The following LRRC4C variants were observed in gnomAD, a reference collection of about 807,000 sequenced individuals.
The protein encoded by LRRC4C is leucine rich repeat containing 4C.
LRRC4C carries 5 observed loss-of-function variants against 33.6 expected under a neutral mutation model. That is an observed-to-expected ratio of 0.15 (90% confidence interval 0.08 to 0.31). The LOEUF is 0.31. Ranked by LOEUF, LRRC4C falls within the 10% of genes least tolerant of loss-of-function variation. The pLI, the probability that LRRC4C is intolerant of heterozygous loss-of-function variation, is 1.00. For missense variants in LRRC4C, 560 were observed against 796.7 expected, an observed-to-expected ratio of 0.70 and a Z score of 3.58; for synonymous variants, 329 against 302.0, an observed-to-expected ratio of 1.09 and a Z score of -0.93.
At chr11:40,910,667 T>C (rs1222708567) in intron 2 of LRRC4C, among the ~76,000 whole-genome samples, 2 of 152,090 alleles carry the variant, frequency 1.3e-5, no homozygotes, top group South Asian at 2.1e-4. Context: ...AGGTACCAGG[T>C]TCATCTCACT....
chr11:40,191,749 C>A (rs1415151140), intron 5 of LRRC4C, among the ~76,000 whole-genome samples: 1 of 152,064 alleles, frequency 6.6e-6, no homozygotes, highest in African/African-American at 2.4e-5. Flanking sequence ...TCACCTGAGC[C>A]CAGGAGTTTA....
At chr11:40,613,386 C>G (rs531089302) in intron 3 of LRRC4C, among the ~76,000 whole-genome samples, 17 of 151,934 alleles carry the variant, frequency 1.1e-4, no homozygotes, top group African/African-American at 3.9e-4. Flanking sequence ...AAACCACTTT[C>G]TTTGCTTATC....
intron 1 of LRRC4C, among the ~76,000 whole-genome samples, chr11:41,178,999 C>A (rs1284818738): frequency 2.6e-5 from 4 of 152,136 alleles, no homozygotes; most frequent in Non-Finnish European, 5.9e-5. Flanking sequence ...CCGTGCCCGG[C>A]CAAGAATCTG....
At chr11:41,412,963 G>A (rs1175008896) in intron 1 of LRRC4C, among the ~76,000 whole-genome samples, 1 of 151,964 alleles carries the variant, frequency 6.6e-6, no homozygotes, top group African/African-American at 2.4e-5. Flanking sequence ...TGTTGCTGTT[G>A]CTCTATTTCT....
intron 3 of LRRC4C, among the ~76,000 whole-genome samples, chr11:40,525,950 T>C (rs1956030948): frequency 6.6e-6 from 1 of 152,146 alleles, no homozygotes; most frequent in Admixed American, 6.5e-5. Flanking sequence ...TATCACTTTA[T>C]TCATAACAAA....
rs1946641366 is a variant in LRRC4C, at chr11:40,336,934, A to ACG, written c.-269-17214_-269-17213insCG. ...GGAGCTTGCAGTGAGCCGAGATTGC[A>ACG]CCACTGCACTCCAGCCTGGGGGACA... On this transcript the variant is annotated intron_variant, in intron 3 of 6. Coordinates refer to ENST00000528697, the MANE Select transcript of LRRC4C (RefSeq NM_001258419.2). 3.0e-5 allele frequency among the ~76,000 whole-genome samples: 4 copies of ACG among 131,220 alleles called. 1 individual carries two copies. The South Asian group carries it at 9.8e-4, about 32-fold the overall frequency. 86.1% of individuals were successfully genotyped at this position (131,220 alleles called of 152,430 possible).
intron 1 of LRRC4C, among the ~76,000 whole-genome samples, chr11:40,950,639 T>C (rs971876857): frequency 6.6e-6 from 1 of 152,080 alleles, no homozygotes; most frequent in African/African-American, 2.4e-5. Flanking sequence ...ATTACCATAG[T>C]GATATCATAG....
chr11:40,342,131 A>C, intron 3 of LRRC4C, among the ~76,000 whole-genome samples: 1 of 152,212 alleles, frequency 6.6e-6, no homozygotes, highest in East Asian at 1.9e-4. Context: ...CCAAAATATT[A>C]ATGTATAAAT....
chr11:41,313,321 A>G (rs1317186834), intron 1 of LRRC4C, among the ~76,000 whole-genome samples: 2 of 152,242 alleles, frequency 1.3e-5, no homozygotes, highest in Non-Finnish European at 2.9e-5. Flanking sequence ...AATTTTAATT[A>G]ATGAAGAAAA....
chr11:40,632,264 C>G (rs3943000), intron 3 of LRRC4C, among the ~76,000 whole-genome samples: 68,654 of 152,048 alleles, frequency 0.45, 15,994 homozygotes, highest in Middle Eastern at 0.54. Context: ...TATTTTGTAT[C>G]ATCTTTGGGA....
At chr11:40,679,780 G>T (rs1012062931) in intron 2 of LRRC4C, among the ~76,000 whole-genome samples, 1 of 152,192 alleles carries the variant, frequency 6.6e-6, no homozygotes, top group African/African-American at 2.4e-5. Flanking sequence ...GCAGGGGCAG[G>T]GATCTCATAG....
intron 2 of LRRC4C, among the ~76,000 whole-genome samples, chr11:40,748,518 T>A (rs1948537183): frequency 6.6e-6 from 1 of 151,990 alleles, no homozygotes. Context: ...AGGACTCAAA[T>A]GGTACTACTT....
intron 1 of LRRC4C, among the ~76,000 whole-genome samples, chr11:40,977,474 A>G (rs921448011): frequency 6.6e-6 from 1 of 152,076 alleles, no homozygotes; most frequent in African/African-American, 2.4e-5. Flanking sequence ...TTTATAAGTC[A>G]TTTTCCAAGA....
chr11:41,094,995 T>C (rs976690401), intron 1 of LRRC4C, among the ~76,000 whole-genome samples: 2 of 152,222 alleles, frequency 1.3e-5, no homozygotes, highest in South Asian at 2.1e-4. Flanking sequence ...AGATTTTCTA[T>C]GTCAATTAAG....
intron 5 of LRRC4C, among the ~76,000 whole-genome samples, chr11:40,198,938 T>C (rs113251246): frequency 4.7e-4 from 72 of 152,276 alleles, no homozygotes; most frequent in African/African-American, 1.7e-3. Flanking sequence ...TGTGGGTATA[T>C]TGGAAATAAC....
At chr11:40,393,591 G>A (rs549479822) in intron 3 of LRRC4C, among the ~76,000 whole-genome samples, 3 of 152,094 alleles carry the variant, frequency 2.0e-5, no homozygotes, top group African/African-American at 7.2e-5. Flanking sequence ...AGGATAACTC[G>A]GTACTTAACT....
At chr11:40,867,135 T>C (rs1240764050) in intron 2 of LRRC4C, among the ~76,000 whole-genome samples, 1 of 152,212 alleles carries the variant, frequency 6.6e-6, no homozygotes, top group East Asian at 1.9e-4. Flanking sequence ...CTTTCTCCAG[T>C]TATACTGTAA....
chr11:40,605,865 A>G (rs1960528622), intron 3 of LRRC4C, among the ~76,000 whole-genome samples: 1 of 152,200 alleles, frequency 6.6e-6, no homozygotes, highest in Non-Finnish European at 1.5e-5. Flanking sequence ...TGGAAGATAA[A>G]TAATGGAAGT....
At chr11:40,981,511 C>T (rs1054125643) in intron 1 of LRRC4C, among the ~76,000 whole-genome samples, 2 of 152,206 alleles carry the variant, frequency 1.3e-5, no homozygotes, top group African/African-American at 2.4e-5. Context: ...ACTAGAGCCT[C>T]ACTACCACTG....
Sources: gnomAD v4.1 joint callset for allele counts (sites outside exome capture counted in the v4.1 genomes callset) on GRCh38, gnomAD v4.1.1 for gene constraint, MANE v1.5 for transcripts, NCBI Gene and HGNC (gene_info 2026-07-23, HGNC 2026-07-21) for gene names.